Variants in HERC4 observed in about 807,000 individuals in gnomAD.
HERC4 encodes probable E3 ubiquitin-protein ligase HERC4.
A neutral mutation model predicts 124.3 loss-of-function variants in HERC4; 28 were observed. That is an observed-to-expected ratio of 0.23 (90% CI 0.17 to 0.31). HERC4 has a LOEUF of 0.31. Ranked by LOEUF, HERC4 falls within the 10% of genes least tolerant of loss-of-function variation. HERC4 has a pLI of 1.00. For missense variants in HERC4, 713 were observed against 1,229.3 expected (o/e 0.58, Z 6.28); for synonymous variants, 407 against 421.5 (o/e 0.97, Z 0.42).
At chr10:67,963,468 C>T (rs527460057) in intron 16 of HERC4, among the ~76,000 whole-genome samples, 3 of 152,256 alleles carry the variant, frequency 2.0e-5, no homozygotes, top group East Asian at 3.9e-4. Context: ...CTGCCCACCT[C>T]GGCCTCCCAA....
At chr10:68,039,791 T>C (rs763368735) in intron 4 of HERC4, 28 of 1,155,108 alleles carry the variant, frequency 2.4e-5, no homozygotes, top group Non-Finnish European at 3.0e-5. Context: ...TTTACTGTTA[T>C]TGTTTATGCA....
intron 15 of HERC4, among the ~76,000 whole-genome samples, chr10:67,982,172 AAG>A (rs539758227): frequency 3.8e-4 from 58 of 152,322 alleles, no homozygotes; most frequent in African/African-American, 1.3e-3. Flanking sequence ...CTTAAGCAAA[AAG>A]AACAAAACTG....
At chr10:67,973,038 A>C (rs2132528024) in intron 15 of HERC4, among the ~76,000 whole-genome samples, 1 of 152,340 alleles carries the variant, frequency 6.6e-6, no homozygotes, top group Non-Finnish European at 1.5e-5. Flanking sequence ...TTCATGAAAA[A>C]AGAATATACA....
chr10:68,074,223 C>G (rs757679030), intron 1 of HERC4: 16 of 152,126 alleles, frequency 1.1e-4, no homozygotes, highest in Non-Finnish European at 1.9e-4. Context: ...AAACACATCG[C>G]GTTACTAAAT....
chr10:68,048,734 G>A (rs1294324760), intron 3 of HERC4, among the ~76,000 whole-genome samples: 1 of 152,128 alleles, frequency 6.6e-6, no homozygotes, highest in Non-Finnish European at 1.5e-5. Flanking sequence ...CAGAAAGCTG[G>A]GGAGGTGGTG....
At chr10:68,000,717 T>A (rs1434948731) in intron 9 of HERC4, among the ~76,000 whole-genome samples, 1 of 152,190 alleles carries the variant, frequency 6.6e-6, no homozygotes, top group Non-Finnish European at 1.5e-5. Flanking sequence ...ATGTTTTGTG[T>A]CCTTATAAAA....
At chr10:67,960,077 G>C (rs1028197682) in intron 16 of HERC4, among the ~76,000 whole-genome samples, 1 of 152,186 alleles carries the variant, frequency 6.6e-6, no homozygotes, top group Admixed American at 6.5e-5. Flanking sequence ...ACTTATGATA[G>C]GGGCTTGGGC....
intron 8 of HERC4, among the ~76,000 whole-genome samples, chr10:68,015,465 T>C (rs1257734970): frequency 6.6e-6 from 1 of 150,460 alleles, no homozygotes; most frequent in African/African-American, 2.4e-5. Flanking sequence ...AACTAATACA[T>C]TACCCAGATT....
chr10:67,931,706 T>C (rs1413155037), intron 23 of HERC4, among the ~76,000 whole-genome samples: 2 of 152,104 alleles, frequency 1.3e-5, no homozygotes, highest in African/African-American at 4.8e-5. Context: ...ATTACAGGCA[T>C]GAGCCATCGC....
At chr10:67,987,267 AT>A (rs1473311087) in intron 15 of HERC4, among the ~76,000 whole-genome samples, 2 of 152,254 alleles carry the variant, frequency 1.3e-5, no homozygotes, top group African/African-American at 4.8e-5. Context: ...AAAATGTTCA[AT>A]TTCCCCCGCT....
chr10:68,039,654 C>A (rs2039662036), intron 4 of HERC4: 2 of 1,347,494 alleles, frequency 1.5e-6, no homozygotes, highest in Non-Finnish European at 9.5e-7. Context: ...ATCCAATGCA[C>A]CTTCAAATTT....
intron 6 of HERC4, 103 bp from the exon 7 acceptor site, chr10:68,032,972 A>C (rs2039285954): frequency 1.5e-6 from 1 of 660,172 alleles, no homozygotes. Flanking sequence ...GTTGTGACTA[A>C]ATAATTTTAA....
At chr10:67,923,886 G>A (rs1354050661) in intron 24 of HERC4, among the ~76,000 whole-genome samples, 2 of 151,566 alleles carry the variant, frequency 1.3e-5, no homozygotes, top group Non-Finnish European at 1.5e-5. Context: ...TCACCGATTT[G>A]GACACATAAA....
At chr10:67,956,997 TATTA>T in intron 16 of HERC4, 21 bp from the exon 17 acceptor site, 3 of 1,414,322 alleles carry the variant, frequency 2.1e-6, no homozygotes, top group Non-Finnish European at 2.9e-6. Context: ...AAAATTAACT[TATTA>T]GTACAAGTTG....
At chr10:67,972,476 G>A (rs1462447288) in intron 15 of HERC4, among the ~76,000 whole-genome samples, 6 of 131,056 alleles carry the variant, frequency 4.6e-5, no homozygotes, top group South Asian at 2.4e-4. Flanking sequence ...AGCTGAGATC[G>A]TGCCTGCACT....
intron 20 of HERC4, among the ~76,000 whole-genome samples, 198 bp downstream of exon 20, chr10:67,940,741 G>A (rs1382527271): frequency 6.6e-6 from 1 of 152,178 alleles, no homozygotes; most frequent in Non-Finnish European, 1.5e-5. Flanking sequence ...CACTGGGCCA[G>A]CCAAATTTAG....
rs572124436 is a variant in HERC4, at chr10:67,970,786, C to T, written c.1807-3984G>A. 2.8e-4 allele frequency among the ~76,000 whole-genome samples: 43 copies of T among 151,670 alleles called. 1 individual carries two copies. Among genetic ancestry groups the T allele is most frequent in the African/African-American group, 1.0e-3 (42 of 41,376 alleles). On this transcript the variant is annotated intron_variant, in intron 15 of 24. Transcript: ENST00000373700. ...AATAAATCCAGGCATAAAAGAAAAT[C>T]TATAGCATTAAATGATCATATTAGA...
intron 8 of HERC4, among the ~76,000 whole-genome samples, chr10:68,017,592 T>C (rs1435054425): frequency 6.6e-6 from 1 of 152,240 alleles, no homozygotes; most frequent in Non-Finnish European, 1.5e-5. Flanking sequence ...CAAGTGATTC[T>C]CCTGTCTCAT....
At chr10:68,020,308 A>T (rs968443987) in intron 8 of HERC4, among the ~76,000 whole-genome samples, 1 of 152,160 alleles carries the variant, frequency 6.6e-6, no homozygotes, top group African/African-American at 2.4e-5. Context: ...AAGAAAATAT[A>T]AGCCAACAAT....
Sources: allele counts gnomAD v4.1 joint callset (sites outside exome capture counted in the v4.1 genomes callset), GRCh38; gene constraint gnomAD v4.1.1; transcripts MANE v1.5; gene names NCBI Gene and HGNC (gene_info 2026-07-23, HGNC 2026-07-21).